The following ARHGEF26 variants were observed in gnomAD, a reference collection of about 807,000 sequenced individuals.
The protein encoded by ARHGEF26 is Rho guanine nucleotide exchange factor 26, also known as Rho guanine nucleotide exchange factor (GEF) 26.
ARHGEF26 carries 59 observed loss-of-function variants against 89.4 expected under a neutral mutation model. The ratio of observed to expected loss-of-function variants is 0.66; its 90% CI spans 0.54 to 0.82. The LOEUF (loss-of-function observed/expected upper bound fraction) is 0.82, where lower values mean the gene tolerates loss of function less well. Ranked by LOEUF, ARHGEF26 falls within the 40% of genes least tolerant of loss-of-function variation. The probability of loss-of-function intolerance (pLI) is 0.00; values close to 1 mark genes in which losing one functional copy is unlikely to be tolerated. For missense variants in ARHGEF26, 1,234 were observed against 1,085.6 expected (o/e 1.14, Z -1.92); for synonymous variants, 500 against 428.4 (o/e 1.17, Z -2.06).
At chr3:154,253,979 T>C (rs1013260614) in intron 13 of ARHGEF26, among the ~76,000 whole-genome samples, 2 of 152,156 alleles carry the variant, frequency 1.3e-5, no homozygotes, top group African/African-American at 2.4e-5. Context: ...GCTCTGGTGC[T>C]ATCTCAGCTC....
At chr3:154,213,237 G>GTA (rs1304458029) in intron 9 of ARHGEF26, among the ~76,000 whole-genome samples, 92 of 129,964 alleles carry the variant, frequency 7.1e-4, no homozygotes, top group African/African-American at 2.3e-3. Context: ...GTGTGTGTGT[G>GTA]TGTGTATATA....
intron 12 of ARHGEF26, among the ~76,000 whole-genome samples, chr3:154,251,848 G>A (rs1450074648): frequency 2.0e-5 from 3 of 152,216 alleles, no homozygotes; most frequent in Non-Finnish European, 4.4e-5. Context: ...GTTATTGATT[G>A]GAAAGGGTCA....
chr3:154,212,142 C>T (rs1430814617), intron 9 of ARHGEF26, among the ~76,000 whole-genome samples: 6 of 151,962 alleles, frequency 3.9e-5, no homozygotes, highest in African/African-American at 1.5e-4. Context: ...AGTTCGAGAC[C>T]AGCCTGGGCA....
chr3:154,159,865 A>T (rs1711556759), intron 6 of ARHGEF26, among the ~76,000 whole-genome samples: 1 of 152,182 alleles, frequency 6.6e-6, no homozygotes, highest in Non-Finnish European at 1.5e-5. Flanking sequence ...CATTAAATTT[A>T]ACTAGGCCAG....
chr3:154,251,503 T>G (rs1718143880), intron 12 of ARHGEF26, among the ~76,000 whole-genome samples: 4 of 152,180 alleles, frequency 2.6e-5, no homozygotes, highest in Admixed American at 2.0e-4. Context: ...TGGGCAATGT[T>G]GTAGAGATAA....
chr3:154,189,513 A>G (rs896524238), intron 7 of ARHGEF26, among the ~76,000 whole-genome samples: 4 of 151,698 alleles, frequency 2.6e-5, no homozygotes, highest in Non-Finnish European at 5.9e-5. Context: ...AATTTTTTGT[A>G]TTTTTAGTAG....
chr3:154,217,762 A>C (rs1559906691), intron 9 of ARHGEF26, 107 bp from the exon 10 acceptor site: 1 of 801,114 alleles, frequency 1.2e-6, no homozygotes, highest in East Asian at 2.7e-5. Flanking sequence ...TCAGAAATGA[A>C]TCTCTAGGGC....
chr3:154,249,637 G>A (rs1216380031), intron 12 of ARHGEF26, among the ~76,000 whole-genome samples: 3 of 152,148 alleles, frequency 2.0e-5, no homozygotes, highest in African/African-American at 7.2e-5. Context: ...AAAAGCAAGG[G>A]ACTCCAGTGT....
Position 154,256,560 on chromosome 3 carries a change from A to T in ARHGEF26, c.*1087A>T. 1 of 995,164 alleles carries T rather than the reference A, an allele frequency of 1.0e-6. No homozygotes were observed. The highest frequency in any genetic ancestry group is 1.2e-6 in the Non-Finnish European group (1 of 836,968). The allele number at this position is 995,164 out of a possible 1,614,324, so 61.6% of individuals were successfully genotyped here. ...CTTTCTAATTAATTAAAAAAAAAAA[A>T]AAAAAAAAAAAAAAACCTTCCCAAA... On this transcript the variant is annotated 3_prime_UTR_variant, in exon 15 of 15. Transcript: ENST00000465093.
intron 9 of ARHGEF26, among the ~76,000 whole-genome samples, chr3:154,196,402 T>C (rs1475603125): frequency 6.6e-6 from 1 of 152,120 alleles, no homozygotes; most frequent in Non-Finnish European, 1.5e-5. Context: ...AATGGTAGCA[T>C]CAGAAGCTTC....
intron 11 of ARHGEF26, among the ~76,000 whole-genome samples, chr3:154,236,046 T>C (rs1717108182): frequency 6.6e-6 from 1 of 152,202 alleles, no homozygotes; most frequent in Non-Finnish European, 1.5e-5. Flanking sequence ...CATAATAATC[T>C]CCTTAAGAAA....
intron 6 of ARHGEF26, among the ~76,000 whole-genome samples, chr3:154,186,340 T>C (rs1317421931): frequency 6.6e-6 from 1 of 151,814 alleles, no homozygotes; most frequent in Non-Finnish European, 1.5e-5. Flanking sequence ...AGCAGATGAA[T>C]GGATAAACAA....
intron 6 of ARHGEF26, among the ~76,000 whole-genome samples, chr3:154,180,073 C>T (rs926255608): frequency 1.3e-5 from 2 of 152,110 alleles, no homozygotes; most frequent in Non-Finnish European, 2.9e-5. Context: ...TCAAAGCCTA[C>T]TGTGTACCAT....
rs117261301 is a variant in ARHGEF26 at position 154,136,991 on chromosome 3, A to T, written c.1269+7272A>T. Among the ~76,000 whole-genome samples the T allele has an allele frequency of 2.0e-3, 308 of 152,266 alleles. 9 individuals are homozygous for T. The East Asian group carries it at 0.025, about 12-fold the overall frequency. On this transcript the variant is annotated intron_variant, in intron 4 of 14. Coordinates refer to ENST00000465093, the MANE Select transcript of ARHGEF26 (RefSeq NM_015595.4). ...AAGCACATACTAGTCCACATTTTCA[A>T]GTTGGCTTGTGGGTCTTCTGGAATC... is the stretch of plus-strand genomic sequence containing the variant.
At chr3:154,208,412 G>T (rs1038767883) in intron 9 of ARHGEF26, among the ~76,000 whole-genome samples, 1 of 152,096 alleles carries the variant, frequency 6.6e-6, no homozygotes, top group Non-Finnish European at 1.5e-5. Context: ...TAAATGCCTT[G>T]AGGTAGTCTT....
chr3:154,126,342 C>T (rs1440324213), intron 3 of ARHGEF26, among the ~76,000 whole-genome samples: 1 of 152,174 alleles, frequency 6.6e-6, no homozygotes, highest in African/African-American at 2.4e-5. Flanking sequence ...AAACCTGAAT[C>T]TCTTCTGGTG....
chr3:154,212,029 A>T (rs1715401299), intron 9 of ARHGEF26, among the ~76,000 whole-genome samples: 1 of 152,146 alleles, frequency 6.6e-6, no homozygotes, highest in African/African-American at 2.4e-5. Flanking sequence ...TTAAGTTGAC[A>T]TTGGTATATT....
intron 9 of ARHGEF26, among the ~76,000 whole-genome samples, chr3:154,209,747 C>G (rs1229036537): frequency 4.6e-5 from 7 of 152,190 alleles, no homozygotes; most frequent in Non-Finnish European, 1.0e-4. Context: ...GCTCTAACCA[C>G]TCCCTGGCTA....
At chr3:154,189,520 G>A (rs1388931725) in intron 7 of ARHGEF26, among the ~76,000 whole-genome samples, 1 of 151,914 alleles carries the variant, frequency 6.6e-6, no homozygotes, top group African/African-American at 2.4e-5. Flanking sequence ...TGTATTTTTA[G>A]TAGAGACTGG....
Sources: allele counts gnomAD v4.1 joint callset (sites outside exome capture counted in the v4.1 genomes callset), GRCh38; gene constraint gnomAD v4.1.1; transcripts MANE v1.5; gene names NCBI Gene and HGNC (gene_info 2026-07-23, HGNC 2026-07-21).